Variants in RABGAP1L observed in about 807,000 individuals in gnomAD.
RABGAP1L encodes the protein rab GTPase-activating protein 1-like.
In RABGAP1L, 63 loss-of-function variants were observed where a neutral mutation model predicts 137.7. The observed-to-expected ratio is 0.46, with a 90% confidence interval of 0.37 to 0.56. RABGAP1L has a LOEUF of 0.56. Among genes scored for constraint, RABGAP1L ranks in the 20% least tolerant of loss-of-function variants. The pLI is 0.00. For synonymous variants in RABGAP1L, 431 were observed against 433.7 expected, an observed-to-expected ratio of 0.99 and a Z score of 0.08; for missense variants, 1,095 against 1,244.0, an observed-to-expected ratio of 0.88 and a Z score of 1.80.
intron 3 of RABGAP1L, among the ~76,000 whole-genome samples, chr1:174,226,854 A>C (rs1670223395): frequency 6.6e-6 from 1 of 152,124 alleles, no homozygotes; most frequent in South Asian, 2.1e-4. Context: ...CCAGTTTAAC[A>C]ATCTCAGTCT....
intron 19 of RABGAP1L, among the ~76,000 whole-genome samples, chr1:174,818,521 G>A (rs904387932): frequency 1.3e-5 from 2 of 152,218 alleles, no homozygotes; most frequent in Non-Finnish European, 2.9e-5. Flanking sequence ...ATAGAGAAAT[G>A]AAGATGAGAC....
In RABGAP1L at chr1:174,602,957, T is replaced by G. The variant is rs7537495; in HGVS notation, c.1711-34418T>G. ...CAGGATTGGTCCTTGGTGCCTTACT[T>G]AGTTCATTTTTGAGGTCATGTTTTC... On this transcript the variant is annotated intron_variant, in intron 13 of 25. Transcript: ENST00000681986. Among the ~76,000 whole-genome samples the G allele has an allele frequency of 9.5e-3, 1,449 of 152,258 alleles. 25 individuals carry two copies. Among genetic ancestry groups the G allele is most frequent in the African/African-American group, 0.033 (1,390 of 41,536 alleles).
intron 11 of RABGAP1L, among the ~76,000 whole-genome samples, chr1:174,359,231 G>C (rs1355174939): frequency 6.6e-5 from 10 of 150,508 alleles, no homozygotes; most frequent in African/African-American, 2.2e-4. Flanking sequence ...ACTGTACTTT[G>C]GTCTCCAGTG....
At chr1:174,983,507 A>G (rs557587581) in intron 24 of RABGAP1L, among the ~76,000 whole-genome samples, 3 of 152,340 alleles carry the variant, frequency 2.0e-5, no homozygotes, top group Admixed American at 2.0e-4. Flanking sequence ...TGGTATTCTT[A>G]AGAGGCAATA....
chr1:174,784,464 C>T (rs1687301886), intron 18 of RABGAP1L, among the ~76,000 whole-genome samples: 1 of 151,898 alleles, frequency 6.6e-6, no homozygotes, highest in South Asian at 2.1e-4. Flanking sequence ...GTGTGCAATC[C>T]CTCCTATATT....
At chr1:174,898,983 C>G (rs1462259260) in intron 19 of RABGAP1L, among the ~76,000 whole-genome samples, 3 of 152,106 alleles carry the variant, frequency 2.0e-5, no homozygotes, top group African/African-American at 4.8e-5. Context: ...TGGGAACATC[C>G]TCTGATCTCA....
At chr1:174,973,979 G>GTTTTTT (rs58500594) in intron 21 of RABGAP1L, among the ~76,000 whole-genome samples, 5 of 85,788 alleles carry the variant, frequency 5.8e-5, no homozygotes, top group Non-Finnish European at 1.0e-4. Flanking sequence ...ATTGTTTTTT[G>GTTTTTT]TTTTTTTTTT....
In RABGAP1L at chr1:174,608,999, T is replaced by C. The variant is rs904795426; in HGVS notation, c.1711-28376T>C. On this transcript the variant is annotated intron_variant, in intron 13 of 25. Transcript: ENST00000681986. ...TTCATATTGTGAACTACTTAACACT[T>C]ATACCGAATTACCTCAACACTAATA... Among the ~76,000 whole-genome samples, 6 of 152,292 alleles carry C rather than the reference T, an allele frequency of 3.9e-5. No homozygotes were observed. In the South Asian group the frequency reaches 1.2e-3, roughly 32 times the overall value.
chr1:174,918,209 G>T (rs1002817074), intron 19 of RABGAP1L, among the ~76,000 whole-genome samples: 1 of 135,398 alleles, frequency 7.4e-6, no homozygotes, highest in African/African-American at 3.4e-5. Context: ...GTCACTCATC[G>T]GGCAACTGTG....
At chr1:174,833,678 T>G (rs1304475698) in intron 19 of RABGAP1L, among the ~76,000 whole-genome samples, 1 of 151,356 alleles carries the variant, frequency 6.6e-6, no homozygotes, top group Non-Finnish European at 1.5e-5. Context: ...ACCCACTAGG[T>G]CCTAGTACTG....
chr1:174,528,582 T>C (rs973022423), intron 13 of RABGAP1L, among the ~76,000 whole-genome samples: 1 of 151,168 alleles, frequency 6.6e-6, no homozygotes, highest in African/African-American at 2.4e-5. Context: ...GTTAGTCTGA[T>C]GGTTTTTTTT....
intron 18 of RABGAP1L, among the ~76,000 whole-genome samples, chr1:174,798,627 ATTT>A (rs1688460493): frequency 6.6e-6 from 1 of 152,074 alleles, no homozygotes; most frequent in Admixed American, 6.6e-5. Flanking sequence ...TAATCTATTT[ATTT>A]AGGCCTACAG....
At chr1:174,475,003 AAATGT>A (rs1658351784) in intron 13 of RABGAP1L, among the ~76,000 whole-genome samples, 1 of 152,158 alleles carries the variant, frequency 6.6e-6, no homozygotes, top group Non-Finnish European at 1.5e-5. Context: ...TGATTGTATT[AAATGT>A]AATGTATGTT....
intron 1 of RABGAP1L, among the ~76,000 whole-genome samples, chr1:174,161,877 TG>T (rs1287706505): frequency 2.6e-5 from 4 of 152,144 alleles, no homozygotes; most frequent in Admixed American, 2.6e-4. Context: ...CACAGGCACA[TG>T]CCACCAAACC....
intron 11 of RABGAP1L, among the ~76,000 whole-genome samples, chr1:174,327,958 T>TATATATATATACATAC (rs1558135728): frequency 9.6e-4 from 11 of 11,514 alleles, no homozygotes; most frequent in African/African-American, 2.3e-3. Flanking sequence ...CAGTTGTAAA[T>TATATATATATACATAC]ATATATATAT....
intron 19 of RABGAP1L, among the ~76,000 whole-genome samples, chr1:174,860,884 T>G (rs955631439): frequency 1.3e-5 from 2 of 152,150 alleles, no homozygotes; most frequent in Non-Finnish European, 2.9e-5. Context: ...TCAAGCTAAT[T>G]AACACATCCA....
At chr1:174,245,984 T>C (rs1672226139) in intron 5 of RABGAP1L, 1 of 152,162 alleles carries the variant, frequency 6.6e-6, no homozygotes, top group Non-Finnish European at 1.5e-5. Flanking sequence ...GAGTGAGTTA[T>C]CTTTCACCAG....
At chr1:174,780,712 T>A (rs1573159185) in intron 18 of RABGAP1L, among the ~76,000 whole-genome samples, 1 of 87,090 alleles carries the variant, frequency 1.1e-5, no homozygotes, top group Non-Finnish European at 2.3e-5. Context: ...ATGCTATCCC[T>A]CCCCCCCACC....
chr1:174,596,994 A>G (rs1669992088), intron 13 of RABGAP1L, among the ~76,000 whole-genome samples: 1 of 152,078 alleles, frequency 6.6e-6, no homozygotes, highest in South Asian at 2.1e-4. Context: ...TACGTCCTTC[A>G]TTCTTTTTAT....
Sources: gnomAD v4.1 joint callset for allele counts (sites outside exome capture counted in the v4.1 genomes callset) on GRCh38, gnomAD v4.1.1 for gene constraint, MANE v1.5 for transcripts, NCBI Gene and HGNC (gene_info 2026-07-23, HGNC 2026-07-21) for gene names.